NCKAP5: variants seen among roughly 807,000 people sequenced by gnomAD.
NCKAP5 encodes nck-associated protein 5.
A neutral mutation model predicts 167.0 loss-of-function variants in NCKAP5; 92 were observed. The ratio of observed to expected loss-of-function variants is 0.55; its 90% CI spans 0.47 to 0.66. The LOEUF is 0.66. Among genes scored for constraint, NCKAP5 ranks in the 30% least tolerant of loss-of-function variants. The pLI is 0.00. For synonymous variants in NCKAP5, 891 were observed against 877.4 expected, an observed-to-expected ratio of 1.02 and a Z score of -0.27; for missense variants, 2,378 against 2,315.0, an observed-to-expected ratio of 1.03 and a Z score of -0.56.
chr2:133,554,476 A>C (rs1687596905), intron 2 of NCKAP5: 1 of 152,172 alleles, frequency 6.6e-6, no homozygotes, highest in Non-Finnish European at 1.5e-5. Context: ...TACACATGTC[A>C]ATTTGGCTCT....
intron 8 of NCKAP5, among the ~76,000 whole-genome samples, chr2:132,881,511 C>T (rs1691748387): frequency 6.7e-6 from 1 of 150,016 alleles, no homozygotes; most frequent in South Asian, 2.1e-4. Context: ...TTATTTTCTT[C>T]TTCCCTTCTT....
intron 8 of NCKAP5, among the ~76,000 whole-genome samples, chr2:132,894,003 G>A (rs1443035794): frequency 1.3e-5 from 2 of 152,146 alleles, no homozygotes; most frequent in African/African-American, 4.8e-5. Context: ...CCACTGTAAT[G>A]GGCCCAGCAG....
At chr2:133,250,937 C>T (rs1244724828) in intron 4 of NCKAP5, among the ~76,000 whole-genome samples, 1 of 151,930 alleles carries the variant, frequency 6.6e-6, no homozygotes, top group African/African-American at 2.4e-5. Flanking sequence ...CTCAAACAAA[C>T]AAACAAACAA....
intron 11 of NCKAP5, among the ~76,000 whole-genome samples, chr2:132,822,543 G>T (rs1170373216): frequency 1.3e-5 from 2 of 152,208 alleles, no homozygotes; most frequent in Non-Finnish European, 2.9e-5. Flanking sequence ...TGGGACAAGA[G>T]AATCTGAACA....
chr2:132,879,318 T>C (rs1215447417), intron 8 of NCKAP5, among the ~76,000 whole-genome samples: 2 of 152,222 alleles, frequency 1.3e-5, no homozygotes, highest in African/African-American at 4.8e-5. Context: ...CAGAAAAGAA[T>C]CTCACATAAA....
At chr2:133,459,960 T>C (rs955038871) in intron 3 of NCKAP5, among the ~76,000 whole-genome samples, 1 of 152,188 alleles carries the variant, frequency 6.6e-6, no homozygotes, top group East Asian at 1.9e-4. Flanking sequence ...CATTGATAAG[T>C]ACATTTTCAA....
At chr2:133,081,752 T>C (rs1302188788) in intron 6 of NCKAP5, among the ~76,000 whole-genome samples, 3 of 152,058 alleles carry the variant, frequency 2.0e-5, no homozygotes, top group African/African-American at 7.2e-5. Flanking sequence ...TTTGGGAAAA[T>C]GTGGAGCATG....
At chr2:133,214,832 T>C (rs1319849793) in intron 4 of NCKAP5, among the ~76,000 whole-genome samples, 6 of 152,322 alleles carry the variant, frequency 3.9e-5, no homozygotes, top group Non-Finnish European at 5.9e-5. Flanking sequence ...ATCAGCTATA[T>C]GCAATCAGCT....
chr2:132,756,653 T>C (rs908897388), intron 16 of NCKAP5, among the ~76,000 whole-genome samples: 5 of 148,400 alleles, frequency 3.4e-5, no homozygotes, highest in African/African-American at 1.3e-4. Context: ...TATTTAAACA[T>C]GTTTTGAAGC....
At chr2:132,684,947 G>T (rs2105072016) in intron 19 of NCKAP5, among the ~76,000 whole-genome samples, 1 of 152,318 alleles carries the variant, frequency 6.6e-6, no homozygotes, top group African/African-American at 2.4e-5. Flanking sequence ...CACAGTGACT[G>T]CGGAAGACTG....
chr2:133,288,469 T>C (rs1422872165), intron 4 of NCKAP5, among the ~76,000 whole-genome samples: 1 of 152,216 alleles, frequency 6.6e-6, no homozygotes, highest in Non-Finnish European at 1.5e-5. Context: ...AGTCTGAATT[T>C]CTAGAGAATA....
intron 6 of NCKAP5, chr2:133,123,875 G>A (rs2082322743): frequency 2.1e-6 from 1 of 466,470 alleles, no homozygotes. Flanking sequence ...GAACATTTAA[G>A]GGCATATTAT....
chr2:132,783,895 C>T lies in NCKAP5; in HGVS notation c.2916G>A (p.Pro972=), dbSNP rs374222652. Residue 972 remains proline (P), a synonymous_variant, in exon 14 of 20, where the codon CCG becomes CCA. Coordinates refer to ENST00000409261, the MANE Select transcript of NCKAP5 (RefSeq NM_207363.3). The stretch of plus-strand genomic sequence containing the variant: ...CTGGAGCAGAAATTCCTTTCAGCAG[C>T]GGGGATTTGAATGGGGTCCTTGCTG... The part of the protein sequence containing the change: ...SETARTPFKS[P]LLKGISAPVI... The T allele has an allele frequency of 8.0e-5, 124 of 1,541,692 alleles. No individual in the cohort carries two copies. Among genetic ancestry groups the T allele is most frequent in the Admixed American group, 2.4e-4 (11 of 46,726 alleles).
chr2:133,543,070 G>C (rs1686359806), intron 2 of NCKAP5, among the ~76,000 whole-genome samples: 2 of 152,132 alleles, frequency 1.3e-5, no homozygotes, highest in South Asian at 4.1e-4. Context: ...ATGTTGGAGG[G>C]GGGACCTAGT....
At chr2:133,665,993 A>G in the NCKAP5 span, among the ~76,000 whole-genome samples, 2 of 151,608 alleles carry the variant, frequency 1.3e-5, no homozygotes, top group Non-Finnish European at 2.9e-5. Context: ...AAATTCAGCA[A>G]TACAAAAATG....
intron 2 of NCKAP5, among the ~76,000 whole-genome samples, chr2:133,530,122 G>A (rs1462215678): frequency 1.3e-5 from 2 of 152,072 alleles, no homozygotes; most frequent in Non-Finnish European, 1.5e-5. Flanking sequence ...CCTACGTAAA[G>A]CATAGGTTTA....
chr2:133,060,817 C>A (rs2079972721), intron 6 of NCKAP5, among the ~76,000 whole-genome samples: 1 of 152,138 alleles, frequency 6.6e-6, no homozygotes, highest in Non-Finnish European at 1.5e-5. Flanking sequence ...TATTGGGCAG[C>A]CTTCTGAATA....
rs527961924 is a variant in NCKAP5 at position 133,302,795 on chromosome 2, TA to T, written c.143+241del. 2.1e-3 allele frequency among the ~76,000 whole-genome samples: 321 copies of T among 150,474 alleles called. 2 individuals carry two copies. The highest frequency in any genetic ancestry group is 6.2e-3 in the African/African-American group (253 of 41,056). On this transcript the variant is annotated intron_variant, in intron 4 of 19. Transcript: ENST00000409261. ...TTAGAGTATAATAAAAAAATAAAAA[TA>T]AAAAAAATAAATAAATAAATAAATA...
At chr2:132,940,088 T>G (rs530751239) in intron 8 of NCKAP5, among the ~76,000 whole-genome samples, 18 of 152,316 alleles carry the variant, frequency 1.2e-4, no homozygotes, top group African/African-American at 4.1e-4. Flanking sequence ...ATCATTCTTA[T>G]GCCTTTGCAT....
Sources: gnomAD v4.1 joint callset for allele counts (sites outside exome capture counted in the v4.1 genomes callset) on GRCh38, gnomAD v4.1.1 for gene constraint, MANE v1.5 for transcripts, NCBI Gene and HGNC (gene_info 2026-07-23, HGNC 2026-07-21) for gene names.